RORA: variants seen among roughly 807,000 people sequenced by gnomAD.
RORA encodes the protein nuclear receptor ROR-alpha.
Under a neutral mutation model 69.5 loss-of-function variants are expected in RORA, and 7 were observed. That is an observed-to-expected ratio of 0.10 (90% confidence interval 0.06 to 0.19). The LOEUF is 0.19. Ranked by LOEUF, RORA falls within the 10% of genes least tolerant of loss-of-function variation. The pLI, the probability that RORA is intolerant of heterozygous loss-of-function variation, is 1.00. For missense variants in RORA, 457 were observed against 663.0 expected, an observed-to-expected ratio of 0.69 and a Z score of 3.41; for synonymous variants, 261 against 240.8, an observed-to-expected ratio of 1.08 and a Z score of -0.78.
rs372186354 is a variant in RORA at position 61,001,963 on chromosome 15, C to T, written c.166+227090G>A. Among the ~76,000 whole-genome samples, 3 of 152,310 alleles carry T rather than the reference C, an allele frequency of 2.0e-5. No individual in the cohort carries two copies. The East Asian group carries it at 5.8e-4, about 29-fold the overall frequency. On this transcript the variant is annotated intron_variant, in intron 1 of 10. Transcript: ENST00000335670. ...AAGACAGTCCTAGAGTGGAGACAGCCAACTTCAAACAGAGCGTGGCCCACG... is the reference window on the plus strand; with the variant it reads ...AAGACAGTCCTAGAGTGGAGACAGCTAACTTCAAACAGAGCGTGGCCCACG...
At chr15:60,946,283 C>A (rs1363514261) in intron 1 of RORA, among the ~76,000 whole-genome samples, 1 of 152,196 alleles carries the variant, frequency 6.6e-6, no homozygotes, top group East Asian at 1.9e-4. Flanking sequence ...CGGTCTCCCT[C>A]TCCCTCTCTT....
intron 1 of RORA, among the ~76,000 whole-genome samples, chr15:60,844,140 T>C (rs1377838185): frequency 6.6e-6 from 1 of 152,198 alleles, no homozygotes; most frequent in African/African-American, 2.4e-5. Flanking sequence ...CTCACTTGTC[T>C]TCCCAGAGAA....
chr15:60,783,069 A>G (rs778418208), intron 1 of RORA, among the ~76,000 whole-genome samples: 5 of 152,328 alleles, frequency 3.3e-5, no homozygotes, highest in South Asian at 2.1e-4. Flanking sequence ...ACATACACAC[A>G]AAATTCCAGA....
chr15:60,595,685 G>GA (rs34344210), intron 2 of RORA, among the ~76,000 whole-genome samples: 132 of 143,530 alleles, frequency 9.2e-4, no homozygotes, highest in African/African-American at 1.8e-3. Context: ...CAAGTGTTCT[G>GA]AAAAAAAAAA....
chr15:61,186,952 T>A (rs1306141436), intron 1 of RORA, among the ~76,000 whole-genome samples: 1 of 152,184 alleles, frequency 6.6e-6, no homozygotes, highest in African/African-American at 2.4e-5. Flanking sequence ...TGGCTCCCAA[T>A]CTTGGAGGCA....
chr15:60,538,078 T>C (rs913115727), intron 2 of RORA, among the ~76,000 whole-genome samples: 1 of 152,220 alleles, frequency 6.6e-6, no homozygotes, highest in Admixed American at 6.5e-5. Flanking sequence ...TTCTTCTCTA[T>C]GTCCAGATTT....
chr15:61,055,645 A>G (rs1595925330), intron 1 of RORA, among the ~76,000 whole-genome samples: 1 of 152,322 alleles, frequency 6.6e-6, no homozygotes, highest in Non-Finnish European at 1.5e-5. Flanking sequence ...TTTTCAAAGT[A>G]ATACTAAGCA....
intron 1 of RORA, among the ~76,000 whole-genome samples, chr15:60,774,062 C>T (rs1190603212): frequency 2.0e-5 from 3 of 152,106 alleles, no homozygotes; most frequent in Non-Finnish European, 2.9e-5. Flanking sequence ...AGATCACTAA[C>T]GTGGCACAGC....
At chr15:60,761,132 A>G (rs913464350) in intron 1 of RORA, among the ~76,000 whole-genome samples, 6 of 152,062 alleles carry the variant, frequency 3.9e-5, no homozygotes, top group African/African-American at 1.4e-4. Context: ...CTTCACAGAG[A>G]CCAACTTCTG....
chr15:61,182,325 C>T (rs1038771294), intron 1 of RORA, among the ~76,000 whole-genome samples: 1 of 152,228 alleles, frequency 6.6e-6, no homozygotes, highest in Non-Finnish European at 1.5e-5. Flanking sequence ...GGGTTTCCTT[C>T]CTCCACTTCA....
chr15:61,140,553 G>A (rs188735688), intron 1 of RORA, among the ~76,000 whole-genome samples: 3 of 152,260 alleles, frequency 2.0e-5, no homozygotes, highest in African/African-American at 2.4e-5. Context: ...GGGAAGATAC[G>A]TTCCAATGGC....
chr15:61,008,205 G>C (rs12900169), intron 1 of RORA, among the ~76,000 whole-genome samples: 289 of 10,796 alleles, frequency 0.027, 2 homozygotes, highest in African/African-American at 0.031. Flanking sequence ...CTCTCTCTCT[G>C]TGTGTGTGTG....
intron 2 of RORA, among the ~76,000 whole-genome samples, chr15:60,548,138 A>C (rs2067128360): frequency 1.3e-5 from 2 of 152,196 alleles, no homozygotes; most frequent in Admixed American, 1.3e-4. Flanking sequence ...AAATTAGAAA[A>C]TTATATGAGA....
At chr15:61,046,777 C>T (rs1355694351) in intron 1 of RORA, among the ~76,000 whole-genome samples, 1 of 152,160 alleles carries the variant, frequency 6.6e-6, no homozygotes, top group Non-Finnish European at 1.5e-5. Context: ...GAAAAAACAG[C>T]CTTCAACAGA....
At chr15:61,054,824 T>G (rs2078068992) in intron 1 of RORA, among the ~76,000 whole-genome samples, 1 of 137,896 alleles carries the variant, frequency 7.3e-6, no homozygotes, top group Admixed American at 7.3e-5. Context: ...TTTTTGTTTT[T>G]TGTTTTTTTT....
chr15:60,497,450 A>G lies in RORA; in HGVS notation c.*5T>C. 1 of 1,613,242 alleles carries G rather than the reference A, an allele frequency of 6.2e-7. No individual in the cohort carries two copies. The highest frequency in any genetic ancestry group is 8.5e-7 in the Non-Finnish European group (1 of 1,179,294). On this transcript the variant is annotated 3_prime_UTR_variant, in exon 11 of 11. Transcript: ENST00000335670. ...GACATTCTAGAAGTGCTTAGGTGAT[A>G]ACATTTACCCATCAATTTGCATTGC...
rs79124333 is a variant in RORA, at chr15:61,040,630, C to A, written c.166+188423G>T. Among the ~76,000 whole-genome samples, 588 of 152,048 alleles carry A rather than the reference C, an allele frequency of 3.9e-3. 2 individuals are homozygous for A. The highest frequency in any genetic ancestry group is 0.014 in the African/African-American group (575 of 41,462). On this transcript the variant is annotated intron_variant, in intron 1 of 10. Transcript: ENST00000335670. ...AGGTAGACCGTACACCCTATGAGGA[C>A]AAATACAGTTCTTTTTTTGCCATTT... is the stretch of plus-strand genomic sequence containing the variant.
intron 2 of RORA, among the ~76,000 whole-genome samples, chr15:60,659,898 G>C (rs1014832231): frequency 2.0e-5 from 3 of 152,100 alleles, no homozygotes; most frequent in Non-Finnish European, 4.4e-5. Context: ...GCATTTTAAA[G>C]TAAATCTTGG....
In RORA at chr15:60,691,899, G is replaced by T. The variant is rs897843986; in HGVS notation, c.167-13213C>A. ...TAAAACTAATCTCATATTGGCTCTG[G>T]GATAATAAAGAATCTGCAGAAAACT... On this transcript the variant is annotated intron_variant, in intron 1 of 10. Coordinates refer to ENST00000335670, the MANE Select transcript of RORA (RefSeq NM_134261.3). 1.2e-4 allele frequency among the ~76,000 whole-genome samples: 18 copies of T among 152,142 alleles called. 1 individual carries two copies. The highest frequency in any genetic ancestry group is 2.2e-4 in the Non-Finnish European group (15 of 68,024).
Sources: allele counts gnomAD v4.1 joint callset (sites outside exome capture counted in the v4.1 genomes callset), GRCh38; gene constraint gnomAD v4.1.1; transcripts MANE v1.5; gene names NCBI Gene and HGNC (gene_info 2026-07-23, HGNC 2026-07-21).